The following ESR1 variants were observed in gnomAD, a reference collection of about 807,000 sequenced individuals.
The protein encoded by ESR1 is estrogen receptor.
A neutral mutation model predicts 52.7 loss-of-function variants in ESR1; 12 were observed. That is an observed-to-expected ratio of 0.23 (90% confidence interval 0.15 to 0.37). ESR1 has a LOEUF of 0.37. Ranked by LOEUF, ESR1 falls within the 10% of genes least tolerant of loss-of-function variation. ESR1 has a pLI of 1.00. For missense variants in ESR1, 584 were observed against 779.7 expected, an observed-to-expected ratio of 0.75 and a Z score of 2.99; for synonymous variants, 305 against 316.8, an observed-to-expected ratio of 0.96 and a Z score of 0.39.
intron 2 of ESR1, among the ~76,000 whole-genome samples, chr6:151,785,257 G>T (rs1434907565): frequency 2.0e-5 from 3 of 152,220 alleles, no homozygotes; most frequent in South Asian, 2.1e-4. Context: ...TGGAGACGGG[G>T]AGTGGGAGGA....
intron 2 of ESR1, among the ~76,000 whole-genome samples, chr6:151,737,360 T>G (rs1289740720): frequency 6.6e-6 from 1 of 152,190 alleles, no homozygotes; most frequent in African/African-American, 2.4e-5. Flanking sequence ...CAAGAAACAT[T>G]GTTTCAAGTC....
intron 5 of ESR1, among the ~76,000 whole-genome samples, chr6:152,027,875 G>A (rs1005518129): frequency 2.6e-5 from 4 of 152,092 alleles, no homozygotes; most frequent in Non-Finnish European, 5.9e-5. Flanking sequence ...CGGGTGCGGT[G>A]GCTCATGCCT....
At chr6:152,124,557 C>T (rs138088399) in intron 6 of ESR1, among the ~76,000 whole-genome samples, 1 of 152,088 alleles carries the variant, frequency 6.6e-6, no homozygotes, top group Non-Finnish European at 1.5e-5. Context: ...GTTTACTGTT[C>T]GATGTTTTTG....
chr6:151,675,780 G>A (rs778588233), intron 1 of ESR1, among the ~76,000 whole-genome samples: 4 of 152,164 alleles, frequency 2.6e-5, no homozygotes, highest in Admixed American at 1.3e-4. Context: ...TTTGAGACCC[G>A]TAAGTCAAGC....
At chr6:152,129,282 C>A (rs1406400116) in exon 7 of ESR1, 1 of 152,212 alleles carries the variant, frequency 6.6e-6, no homozygotes, top group African/African-American at 2.4e-5. Context: ...TAAGCGCTTT[C>A]CCCCTTCTCG....
At chr6:151,897,720 C>G (rs1795771020) in intron 3 of ESR1, among the ~76,000 whole-genome samples, 1 of 152,152 alleles carries the variant, frequency 6.6e-6, no homozygotes, top group African/African-American at 2.4e-5. Flanking sequence ...TTCTGTTCAT[C>G]ATGCCATTTG....
intron 6 of ESR1, among the ~76,000 whole-genome samples, chr6:152,116,913 A>G (rs561043083): frequency 2.0e-5 from 3 of 152,260 alleles, no homozygotes; most frequent in East Asian, 1.9e-4. Flanking sequence ...TGAAGCCAAT[A>G]TATTTTGAGT....
At position 151,808,012 on chromosome 6, in the gene ESR1, C is replaced by G. The variant is rs1583384726; in HGVS notation, c.100C>G (p.Pro34Ala). ...CCTGAACCGTCCGCAGCTCAAGATC[C>G]CCCTGGAGCGGCCCCTGGGCGAGGT... ...EPLNRPQLKI[P>A]LERPLGEVYL... Residue 34 changes from proline to alanine, a missense_variant, in exon 1 of 8, where the codon CCC (proline) becomes GCC (alanine). Physicochemically the swap from Pro to Ala is conservative, Grantham distance 27. Coordinates refer to ENST00000206249, the MANE Select transcript of ESR1 (RefSeq NM_000125.4). 1.2e-6 allele frequency: 2 copies of G among 1,613,910 alleles called. No homozygotes were observed. The highest frequency in any genetic ancestry group is 1.7e-6 in the Non-Finnish European group (2 of 1,179,946).
intron 2 of ESR1, among the ~76,000 whole-genome samples, chr6:151,735,501 C>T (rs1782574486): frequency 6.6e-6 from 1 of 152,094 alleles, no homozygotes; most frequent in East Asian, 1.9e-4. Flanking sequence ...TGAGATGGTC[C>T]CCTCCTAGAA....
At chr6:151,852,821 TGTA>T (rs1239635637) in intron 2 of ESR1, among the ~76,000 whole-genome samples, 3 of 151,962 alleles carry the variant, frequency 2.0e-5, no homozygotes, top group Non-Finnish European at 4.4e-5. Flanking sequence ...AGTTTTAGTG[TGTA>T]CACATATGAG....
At chr6:151,745,198 T>C (rs565053596) in intron 2 of ESR1, among the ~76,000 whole-genome samples, 1 of 152,296 alleles carries the variant, frequency 6.6e-6, no homozygotes. Context: ...TAGCATGACC[T>C]CAACCCACCT....
At chr6:151,814,934 G>A (rs1435095362) in intron 1 of ESR1, among the ~76,000 whole-genome samples, 1 of 152,336 alleles carries the variant, frequency 6.6e-6, no homozygotes, top group Non-Finnish European at 1.5e-5. Flanking sequence ...GGTTTCAGGA[G>A]TTTTAGATCC....
At chr6:151,984,669 T>G (rs1056728161) in intron 4 of ESR1, among the ~76,000 whole-genome samples, 3 of 152,176 alleles carry the variant, frequency 2.0e-5, no homozygotes, top group Admixed American at 2.0e-4. Context: ...TTTTCATCTG[T>G]GTTAGAAATG....
At chr6:152,047,264 G>GCAA (rs150684084) in intron 5 of ESR1, among the ~76,000 whole-genome samples, 7,253 of 151,908 alleles carry the variant, frequency 0.048, 238 homozygotes, top group South Asian at 0.14. Flanking sequence ...TCACCAACTA[G>GCAA]CAAAGTGCTT....
At chr6:151,996,785 A>G (rs1421218316) in intron 4 of ESR1, among the ~76,000 whole-genome samples, 1 of 152,158 alleles carries the variant, frequency 6.6e-6, no homozygotes, top group African/African-American at 2.4e-5. Flanking sequence ...ATAGGTCTTC[A>G]GTAACTATTT....
upstream of ESR1, among the ~76,000 whole-genome samples, chr6:151,686,088 T>TTTA (rs142764831): frequency 2.7e-3 from 380 of 143,112 alleles, 1 homozygote; most frequent in African/African-American, 8.0e-3. Context: ...TTTTTTTTTT[T>TTTA]ATTTAGAGAC....
chr6:151,903,820 A>G (rs766767653), intron 3 of ESR1, among the ~76,000 whole-genome samples: 7 of 152,230 alleles, frequency 4.6e-5, no homozygotes, highest in African/African-American at 7.2e-5. Context: ...ATTATATTCC[A>G]TGTTCCAGAT....
intron 4 of ESR1, among the ~76,000 whole-genome samples, chr6:151,962,544 C>T (rs891085504): frequency 4.6e-5 from 7 of 152,276 alleles, no homozygotes; most frequent in Non-Finnish European, 5.9e-5. Context: ...AACTAAATAG[C>T]GATAGAGTTT....
chr6:152,061,377 C>T lies in ESR1; in HGVS notation c.1369+253C>T, dbSNP rs887172463. ...TTGAGCTAAAATTTTTGTATGCTTT[C>T]ACAGATAGGATGTTTTTATTCAAAT... On this transcript the variant is annotated intron_variant, in intron 6 of 7. Transcript: ENST00000206249. The surrounding 1 kb of genome is among the most constrained non-coding windows in gnomAD (Gnocchi z 4.3). Among the ~76,000 whole-genome samples, 4 of 152,084 alleles carry T rather than the reference C, an allele frequency of 2.6e-5. No homozygotes were observed. The highest frequency in any genetic ancestry group is 5.9e-5 in the Non-Finnish European group (4 of 68,024).
Sources: gnomAD v4.1 joint callset for allele counts (sites outside exome capture counted in the v4.1 genomes callset) on GRCh38, gnomAD v4.1.1 for gene constraint, Gnocchi (gnomAD v3.1) non-coding constraint, MANE v1.5 for transcripts, NCBI Gene and HGNC (gene_info 2026-07-23, HGNC 2026-07-21) for gene names.